Variants in DIPK2B observed in about 807,000 individuals in gnomAD.
DIPK2B encodes divergent protein kinase domain 2B, also known as UPF0672 protein CXorf36.
DIPK2B carries 15 observed loss-of-function variants against 22.2 expected under a neutral mutation model. That is an observed-to-expected ratio of 0.68 (90% CI 0.45 to 1.04). The LOEUF (loss-of-function observed/expected upper bound fraction) is 1.04. Among genes scored for constraint, DIPK2B ranks in the 50% least tolerant of loss-of-function variants. The pLI is 0.00. For synonymous variants in DIPK2B, 163 were observed against 153.2 expected, an observed-to-expected ratio of 1.06 and a Z score of -0.47; for missense variants, 345 against 348.3, an observed-to-expected ratio of 0.99 and a Z score of 0.08.
At chrX:45,178,307 A>G (rs924442750) in intron 2 of DIPK2B, among the ~76,000 whole-genome samples, 19 of 112,072 alleles carry the variant, frequency 1.7e-4, no homozygotes, top group African/African-American at 5.2e-4. Flanking sequence ...TTTAATAGCT[A>G]TATTTAGGAT....
chrX:45,175,726 T>C (rs752850856), intron 2 of DIPK2B, among the ~76,000 whole-genome samples: 1 of 101,973 alleles, frequency 9.8e-6, no homozygotes, highest in East Asian at 3.2e-4. Context: ...TGTACATATA[T>C]GTATGTATAC....
At chrX:45,153,524 CAGAGAGAGAGGAG>C (rs2046972461) in intron 4 of DIPK2B, among the ~76,000 whole-genome samples, 3 of 44,340 alleles carry the variant, frequency 6.8e-5, no homozygotes, top group Non-Finnish European at 1.3e-4. Flanking sequence ...GTGTGTGTGA[CAGAGAGAGAGGAG>C]AGAGAGAGAG....
At chrX:45,194,150 C>T (rs2047226478) in intron 1 of DIPK2B, among the ~76,000 whole-genome samples, 1 of 111,692 alleles carries the variant, frequency 9.0e-6, no homozygotes, top group South Asian at 3.7e-4. Flanking sequence ...ATGTCATTTG[C>T]CCAAGGTCAC....
intron 2 of DIPK2B, among the ~76,000 whole-genome samples, chrX:45,162,102 T>C (rs2148336123): frequency 9.0e-6 from 1 of 110,895 alleles, no homozygotes; most frequent in South Asian, 3.9e-4. Flanking sequence ...GAGCCATATG[T>C]GGAGAAAAAA....
At chrX:45,162,976 G>T in intron 2 of DIPK2B, 1 of 750,639 alleles carries the variant, frequency 1.3e-6, no homozygotes, top group Non-Finnish European at 1.6e-6. Flanking sequence ...TAGCAGGCAT[G>T]TTGCTGTGAT....
chrX:45,196,820 G>T (rs2047241467), intron 1 of DIPK2B, among the ~76,000 whole-genome samples: 1 of 111,856 alleles, frequency 8.9e-6, no homozygotes, highest in Non-Finnish European at 1.9e-5. Flanking sequence ...ATGGCAATCA[G>T]ACTTACTCAT....
chrX:45,196,752 A>G (rs907789066), intron 1 of DIPK2B, among the ~76,000 whole-genome samples: 22 of 110,652 alleles, frequency 2.0e-4, no homozygotes, highest in African/African-American at 6.9e-4. Flanking sequence ...GGAGAATCTT[A>G]CCAATTGATG....
Position 45,197,482 on chromosome X carries a change from C to T in DIPK2B, c.233+3112G>A, listed in dbSNP as rs80024553. ...TGATCTCCTGACCTCGTGATTTGCC[C>T]GCCTCGGCCTCCCAAAGTGCTGGGA... is the stretch of plus-strand genomic sequence containing the variant. On this transcript the variant is annotated intron_variant, in intron 1 of 4. Coordinates refer to ENST00000398000, the MANE Select transcript of DIPK2B (RefSeq NM_176819.4). Among the ~76,000 whole-genome samples the T allele has an allele frequency of 2.7e-4, 30 of 111,436 alleles. 1 individual carries two copies. Among genetic ancestry groups the T allele is most frequent in the Non-Finnish European group, 1.9e-5 (1 of 53,117 alleles).
At chrX:45,183,894 A>G (rs1444572734) in intron 2 of DIPK2B, among the ~76,000 whole-genome samples, 1 of 112,076 alleles carries the variant, frequency 8.9e-6, no homozygotes. Flanking sequence ...ATAGAGGACT[A>G]AGACATAGAT....
chrX:45,154,315 C>CTATCTA (rs2046979902), intron 3 of DIPK2B, 117 bp from the exon 4 acceptor site: 1 of 587,589 alleles, frequency 1.7e-6, no homozygotes, highest in East Asian at 3.7e-5. Flanking sequence ...ATCTATCTAT[C>CTATCTA]TATCTGTCTA....
intron 2 of DIPK2B, among the ~76,000 whole-genome samples, chrX:45,171,113 G>A (rs1439430377): frequency 1.8e-5 from 2 of 111,534 alleles, no homozygotes; most frequent in Admixed American, 1.9e-4. Context: ...CAGGTGGTCT[G>A]TGCCTCAAGT....
intron 2 of DIPK2B, chrX:45,162,866 T>C: frequency 1.3e-6 from 1 of 754,385 alleles, no homozygotes; most frequent in Non-Finnish European, 1.6e-6. Flanking sequence ...CTTGGCTATA[T>C]TGTTACTTGA....
chrX:45,156,298 C>G (rs980531516), intron 3 of DIPK2B, among the ~76,000 whole-genome samples: 1 of 110,931 alleles, frequency 9.0e-6, no homozygotes, highest in Non-Finnish European at 1.9e-5. Flanking sequence ...TACTGTGTAC[C>G]GCGGAGGGAA....
At chrX:45,187,986 C>T (rs996082824) in intron 2 of DIPK2B, among the ~76,000 whole-genome samples, 3 of 111,413 alleles carry the variant, frequency 2.7e-5, no homozygotes, top group African/African-American at 9.8e-5. Flanking sequence ...TTCAGTCACA[C>T]ACAGAGAGAA....
In DIPK2B at chrX:45,187,468, GCACACACACACACA is replaced by G. The variant is rs34308256; in HGVS notation, c.498+4269_498+4282del. 5.7e-3 allele frequency among the ~76,000 whole-genome samples: 561 copies of G among 98,481 alleles called. 1 individual carries two copies. Among genetic ancestry groups the G allele is most frequent in the African/African-American group, 0.019 (524 of 27,400 alleles). The allele number at this position is 98,481 out of a possible 115,157, so 85.5% of individuals were successfully genotyped here. A position where few individuals can be genotyped will look rare whatever the true frequency, so the allele number is the denominator to read the frequency against. On this transcript the variant is annotated intron_variant, in intron 2 of 4. Coordinates refer to ENST00000398000, the MANE Select transcript of DIPK2B (RefSeq NM_176819.4). Reference sequence around the variant, plus strand: ...TACACATGCTCGAGGGCGCGCGCGCGCACACACACACACACACACACACACACACACACACACAC... The same window carrying G: ...TACACATGCTCGAGGGCGCGCGCGCGCACACACACACACACACACACACAC...
intron 2 of DIPK2B, among the ~76,000 whole-genome samples, chrX:45,159,998 G>A (rs2047014144): frequency 1.8e-5 from 2 of 110,159 alleles, no homozygotes; most frequent in African/African-American, 6.6e-5. Flanking sequence ...AGTGTTGGAG[G>A]TGGGGCCTGG....
chrX:45,163,701 C>T (rs1295103680), intron 2 of DIPK2B: 2 of 754,510 alleles, frequency 2.7e-6, no homozygotes, highest in Non-Finnish European at 3.1e-6. Flanking sequence ...CTTTTTTTTC[C>T]CTCTAGAAGC....
At chrX:45,197,775 G>T (rs1175582244) in intron 1 of DIPK2B, among the ~76,000 whole-genome samples, 2 of 111,644 alleles carry the variant, frequency 1.8e-5, no homozygotes, top group African/African-American at 6.5e-5. Context: ...CCTCCATTTA[G>T]ATATATATAT....
At chrX:45,178,051 G>T (rs1294688191) in intron 2 of DIPK2B, among the ~76,000 whole-genome samples, 1 of 111,883 alleles carries the variant, frequency 8.9e-6, no homozygotes, top group African/African-American at 3.2e-5. Flanking sequence ...CAGAAAGAAA[G>T]CCATCATGTA....
Sources: allele counts gnomAD v4.1 joint callset (sites outside exome capture counted in the v4.1 genomes callset), GRCh38; gene constraint gnomAD v4.1.1; transcripts MANE v1.5; gene names NCBI Gene and HGNC (gene_info 2026-07-23, HGNC 2026-07-21).